NAALAD2: variants seen among roughly 807,000 people sequenced by gnomAD.
NAALAD2 encodes N-acetylated-alpha-linked acidic dipeptidase 2.
NAALAD2 carries 89 observed loss-of-function variants against 95.6 expected under a neutral mutation model. The observed-to-expected ratio is 0.93, with a 90% CI of 0.78 to 1.11. The LOEUF (loss-of-function observed/expected upper bound fraction) is 1.11. Ranked by LOEUF, NAALAD2 falls within the 50% of genes least tolerant of loss-of-function variation. The probability of loss-of-function intolerance (pLI) is 0.00; values close to 1 mark genes in which losing one functional copy is unlikely to be tolerated. For synonymous variants in NAALAD2, 264 were observed against 294.4 expected, an observed-to-expected ratio of 0.90 and a Z score of 1.06; for missense variants, 894 against 872.4, an observed-to-expected ratio of 1.02 and a Z score of -0.31.
At chr11:90,149,984 G>A (rs1951845197) in intron 4 of NAALAD2, among the ~76,000 whole-genome samples, 1 of 152,108 alleles carries the variant, frequency 6.6e-6, no homozygotes, top group Non-Finnish European at 1.5e-5. Flanking sequence ...GGGTGTGGTG[G>A]CTCACACCTG....
intron 8 of NAALAD2, among the ~76,000 whole-genome samples, chr11:90,160,278 T>A (rs1033337996): frequency 2.6e-5 from 4 of 151,982 alleles, no homozygotes; most frequent in African/African-American, 9.7e-5. Flanking sequence ...TTGTACAGAG[T>A]AGTTGAACAG....
chr11:90,142,968 A>G (rs4582930), intron 2 of NAALAD2, among the ~76,000 whole-genome samples: 20,762 of 151,948 alleles, frequency 0.14, 1,616 homozygotes, highest in South Asian at 0.22. Flanking sequence ...TACAAAATGG[A>G]GAAACTCACA....
At chr11:90,165,318 C>A (rs145416604) in intron 11 of NAALAD2, among the ~76,000 whole-genome samples, 13 of 152,214 alleles carry the variant, frequency 8.5e-5, no homozygotes, top group Non-Finnish European at 1.6e-4. Context: ...TGATATATTT[C>A]TTTGGTTATA....
Position 90,175,967 on chromosome 11 carries a change from T to A in NAALAD2, c.1503-5T>A, listed in dbSNP as rs1952778915. 1.3e-6 allele frequency: 2 copies of A among 1,573,092 alleles called. No individual in the cohort carries two copies. The highest frequency in any genetic ancestry group is 3.4e-5 in the Admixed American group (2 of 59,582). On this transcript the variant is annotated splice_region_variant and splice_polypyrimidine_tract_variant and intron_variant, in intron 14 of 18. Transcript: ENST00000534061. Reference sequence around the variant, plus strand: ...GTGTGTGTGTGGATTGCATTCTACATCTAGAATCAATAAGCTGGGATCTGG... The same window carrying A: ...GTGTGTGTGTGGATTGCATTCTACAACTAGAATCAATAAGCTGGGATCTGG...
chr11:90,149,955 T>A (rs545765397), intron 4 of NAALAD2, among the ~76,000 whole-genome samples: 1 of 152,108 alleles, frequency 6.6e-6, no homozygotes, highest in Non-Finnish European at 1.5e-5. Flanking sequence ...CAGGACATGC[T>A]GTTTAGATAT....
At chr11:90,152,800 T>A (rs1325830882) in intron 6 of NAALAD2, among the ~76,000 whole-genome samples, 1 of 152,126 alleles carries the variant, frequency 6.6e-6, no homozygotes, top group Non-Finnish European at 1.5e-5. Flanking sequence ...TTTGCTGAAT[T>A]ACCGATAGAT....
chr11:90,169,962 G>A, intron 12 of NAALAD2, 107 bp from the exon 13 acceptor site: 1 of 755,172 alleles, frequency 1.3e-6, no homozygotes, highest in Non-Finnish European at 2.3e-6. Flanking sequence ...TCTTTGATTT[G>A]AAGATCATTA....
rs114889924 is a variant in NAALAD2, at chr11:90,182,187, T to A, written c.1940+486T>A. Among the ~76,000 whole-genome samples the A allele has an allele frequency of 3.1e-3, 473 of 152,268 alleles. 3 individuals are homozygous for A. The highest frequency in any genetic ancestry group is 0.01 in the African/African-American group (427 of 41,554). On this transcript the variant is annotated intron_variant, in intron 17 of 18. Coordinates refer to ENST00000534061, the MANE Select transcript of NAALAD2 (RefSeq NM_005467.4). ...TTTTTCATGGATAATTTTTTTTGCA[T>A]TTTATTTAATTTCTTGCCACTTTCA... is the stretch of plus-strand genomic sequence containing the variant.
intron 8 of NAALAD2, among the ~76,000 whole-genome samples, chr11:90,160,772 A>G (rs1343282134): frequency 1.3e-5 from 2 of 152,200 alleles, no homozygotes; most frequent in Non-Finnish European, 2.9e-5. Flanking sequence ...ACTCAAAAAC[A>G]TAAACATTCC....
At chr11:90,152,878 A>T (rs540809387) in intron 6 of NAALAD2, among the ~76,000 whole-genome samples, 66 of 111,506 alleles carry the variant, frequency 5.9e-4, no homozygotes, top group South Asian at 1.2e-3. Context: ...TACATTTTTT[A>T]AAAAAATGAG....
At position 90,178,134 on chromosome 11, in the gene NAALAD2, C is replaced by A; in HGVS notation, c.1858+17C>A. 1.3e-6 allele frequency: 2 copies of A among 1,597,336 alleles called. No individual in the cohort carries two copies. The highest frequency in any genetic ancestry group is 1.4e-5 in the African/African-American group (1 of 74,038). ...TATCATTTGGTAAGAAATAGTTGGG[C>A]AGATATTTTACAGTCTTTAAGTTAG... On this transcript the variant is annotated intron_variant, in intron 16 of 18. Coordinates refer to ENST00000534061, the MANE Select transcript of NAALAD2 (RefSeq NM_005467.4).
intron 5 of NAALAD2, among the ~76,000 whole-genome samples, chr11:90,151,238 C>T (rs113485971): frequency 0.014 from 2,099 of 152,182 alleles, 54 homozygotes; most frequent in African/African-American, 0.048. Context: ...ATGCGAATGA[C>T]GAGGGCACCA....
At chr11:90,157,094 A>G (rs1222519985) in intron 6 of NAALAD2, among the ~76,000 whole-genome samples, 1 of 152,160 alleles carries the variant, frequency 6.6e-6, no homozygotes, top group East Asian at 1.9e-4. Context: ...ATAAATGTCA[A>G]TTAGGTCAAA....
chr11:90,158,248 T>G lies in NAALAD2; in HGVS notation c.890+10T>G. ...CAGAAATATTATTACGGTATAGTTTTCTTGTTGGATATGAGATTAAGATAT... is the reference window on the plus strand; with the variant it reads ...CAGAAATATTATTACGGTATAGTTTGCTTGTTGGATATGAGATTAAGATAT... On this transcript the variant is annotated intron_variant, in intron 7 of 18. Coordinates refer to ENST00000534061, the MANE Select transcript of NAALAD2 (RefSeq NM_005467.4). The G allele has an allele frequency of 6.3e-7, 1 of 1,580,728 alleles. No individual in the cohort carries two copies. Among genetic ancestry groups the G allele is most frequent in the Non-Finnish European group, 8.7e-7 (1 of 1,151,142 alleles).
chr11:90,167,426 C>T (rs1054565129), intron 11 of NAALAD2, among the ~76,000 whole-genome samples: 1 of 152,192 alleles, frequency 6.6e-6, no homozygotes, highest in Admixed American at 6.5e-5. Flanking sequence ...TGAGCCTGCG[C>T]CCCCGCCGCG....
At chr11:90,155,897 A>G (rs1009820025) in intron 6 of NAALAD2, among the ~76,000 whole-genome samples, 5 of 143,426 alleles carry the variant, frequency 3.5e-5, no homozygotes, top group Non-Finnish European at 6.0e-5. Context: ...TATATATTAT[A>G]TATTATATAA....
At chr11:90,142,006 T>C (rs1011192607) in intron 2 of NAALAD2, among the ~76,000 whole-genome samples, 40 of 152,170 alleles carry the variant, frequency 2.6e-4, no homozygotes, top group Non-Finnish European at 4.9e-4. Flanking sequence ...GAGAAAGATT[T>C]AGTTTCACCA....
intron 18 of NAALAD2, among the ~76,000 whole-genome samples, chr11:90,189,973 G>A (rs1193269903): frequency 6.6e-6 from 1 of 152,124 alleles, no homozygotes; most frequent in Admixed American, 6.5e-5. Flanking sequence ...TTGAGAACTA[G>A]ACCAGAGTTT....
intron 17 of NAALAD2, among the ~76,000 whole-genome samples, chr11:90,181,968 G>A (rs1952986430): frequency 1.3e-5 from 2 of 151,576 alleles, no homozygotes; most frequent in Non-Finnish European, 2.9e-5. Flanking sequence ...TAAAGTTTGG[G>A]GAGCACTGCT....
Sources: gnomAD v4.1 joint callset for allele counts (sites outside exome capture counted in the v4.1 genomes callset) on GRCh38, gnomAD v4.1.1 for gene constraint, MANE v1.5 for transcripts, NCBI Gene and HGNC (gene_info 2026-07-23, HGNC 2026-07-21) for gene names.